GRIK1: variants seen among roughly 807,000 people sequenced by gnomAD.
GRIK1 encodes glutamate receptor ionotropic, kainate 1.
In GRIK1, 69 loss-of-function variants were observed where a neutral mutation model predicts 105.7. That is an observed-to-expected ratio of 0.65 (90% CI 0.54 to 0.80). The LOEUF (loss-of-function observed/expected upper bound fraction) is 0.80, where lower values mean the gene tolerates loss of function less well. Ranked by LOEUF, GRIK1 falls within the 30% of genes least tolerant of loss-of-function variation. GRIK1 has a pLI of 0.00. For missense variants in GRIK1, 1,109 were observed against 1,167.3 expected (o/e 0.95, Z 0.73); for synonymous variants, 438 against 431.3 (o/e 1.02, Z -0.19).
At chr21:29,654,484 T>A (rs363572) in intron 5 of GRIK1, among the ~76,000 whole-genome samples, 4,053 of 152,332 alleles carry the variant, frequency 0.027, 77 homozygotes, top group Non-Finnish European at 0.045. Flanking sequence ...TTCTAATGTA[T>A]ATAAAAATTG....
intron 1 of GRIK1, chr21:29,763,677 G>A (rs1205630062): frequency 6.6e-6 from 1 of 152,264 alleles, no homozygotes; most frequent in African/African-American, 2.4e-5. Context: ...TCGAGATTCC[G>A]AGCTCCCAAA....
intron 1 of GRIK1, among the ~76,000 whole-genome samples, chr21:29,860,998 GTTT>G (rs530044419): frequency 2.0e-5 from 3 of 146,584 alleles, no homozygotes; most frequent in Non-Finnish European, 4.5e-5. Flanking sequence ...ATTTCATCTG[GTTT>G]TTTTTTTTAA....
intron 1 of GRIK1, among the ~76,000 whole-genome samples, chr21:29,782,149 C>T (rs192045269): frequency 6.4e-4 from 95 of 149,462 alleles, no homozygotes; most frequent in East Asian, 3.9e-3. Flanking sequence ...TGCAGTGGCG[C>T]GATCTCGGCT....
rs1303154496 is a variant in GRIK1, at chr21:29,537,123, G to C, written c.*107C>G. ...TCTTATATCTGTATTCATAATCAGAGTTATGGATATAGATATATGGAAACA... is the reference window on the plus strand; with the variant it reads ...TCTTATATCTGTATTCATAATCAGACTTATGGATATAGATATATGGAAACA... On this transcript the variant is annotated 3_prime_UTR_variant, in exon 18 of 18. Coordinates refer to ENST00000327783, the MANE Select transcript of GRIK1 (RefSeq NM_001330994.2). 7.9e-6 allele frequency: 5 copies of C among 630,872 alleles called. No individual in the cohort carries two copies. In the East Asian group the frequency reaches 1.5e-4, roughly 19 times the overall value. 39.1% of individuals were successfully genotyped at this position (630,872 alleles called of 1,614,324 possible). A position where few individuals can be genotyped will look rare whatever the true frequency, so the allele number is the denominator to read the frequency against.
chr21:29,583,765 C>T (rs2091071996), intron 12 of GRIK1, among the ~76,000 whole-genome samples: 1 of 152,146 alleles, frequency 6.6e-6, no homozygotes, highest in Non-Finnish European at 1.5e-5. Flanking sequence ...TGACATGATG[C>T]TGTGCTGTAA....
intron 8 of GRIK1, among the ~76,000 whole-genome samples, chr21:29,597,890 G>A (rs2061446861): frequency 6.6e-6 from 1 of 152,010 alleles, no homozygotes; most frequent in South Asian, 2.1e-4. Flanking sequence ...CAAGAAAACG[G>A]AAATGAAAAC....
At chr21:29,866,245 C>T (rs1193900497) in intron 1 of GRIK1, among the ~76,000 whole-genome samples, 1 of 151,938 alleles carries the variant, frequency 6.6e-6, no homozygotes, top group African/African-American at 2.4e-5. Context: ...ACCACCAAGC[C>T]CAGCTAACTT....
chr21:29,833,319 T>G (rs2067693916), intron 1 of GRIK1, among the ~76,000 whole-genome samples: 1 of 152,172 alleles, frequency 6.6e-6, no homozygotes, highest in African/African-American at 2.4e-5. Context: ...CATTACCCAG[T>G]TCCAAAGTCA....
At chr21:29,876,930 A>G (rs537186880) in intron 1 of GRIK1, among the ~76,000 whole-genome samples, 3 of 152,320 alleles carry the variant, frequency 2.0e-5, no homozygotes, top group Non-Finnish European at 4.4e-5. Context: ...TAACCTGCAA[A>G]TTAGCAAGCA....
intron 1 of GRIK1, among the ~76,000 whole-genome samples, chr21:29,730,608 T>C (rs1329137619): frequency 6.6e-6 from 1 of 152,196 alleles, no homozygotes; most frequent in Non-Finnish European, 1.5e-5. Context: ...TGCATAGCTG[T>C]TTCCTGGCTC....
intron 14 of GRIK1, among the ~76,000 whole-genome samples, chr21:29,570,441 A>C (rs887685066): frequency 6.6e-6 from 1 of 151,960 alleles, no homozygotes; most frequent in African/African-American, 2.4e-5. Context: ...GGCGGAGGTC[A>C]CAGTGAGCCA....
intron 1 of GRIK1, among the ~76,000 whole-genome samples, chr21:29,763,147 G>C (rs2065570584): frequency 6.6e-6 from 1 of 152,172 alleles, no homozygotes; most frequent in East Asian, 1.9e-4. Flanking sequence ...GAAGTGACTG[G>C]ATCATGGGGG....
At chr21:29,847,631 T>G (rs927239474) in intron 1 of GRIK1, among the ~76,000 whole-genome samples, 1 of 152,234 alleles carries the variant, frequency 6.6e-6, no homozygotes, top group African/African-American at 2.4e-5. Flanking sequence ...ATTTTTTCTC[T>G]GCATAATCTT....
At chr21:29,815,139 A>C (rs895595376) in intron 1 of GRIK1, among the ~76,000 whole-genome samples, 2 of 150,046 alleles carry the variant, frequency 1.3e-5, no homozygotes, top group African/African-American at 2.5e-5. Flanking sequence ...AAGTCAATGC[A>C]CTTTTTTGCT....
At position 29,903,411 on chromosome 21, in the gene GRIK1, AC is replaced by A. The variant is rs1456769650; in HGVS notation, c.118+35971del. ...GACAAAGGGCTAATATCCAGAATCT[AC>A]AAAGAACTTAAACAAATTTACAAGA... On this transcript the variant is annotated intron_variant, in intron 1 of 17. Coordinates refer to ENST00000327783, the MANE Select transcript of GRIK1 (RefSeq NM_001330994.2). 3.3e-5 allele frequency among the ~76,000 whole-genome samples: 5 copies of A among 152,230 alleles called. 1 individual carries two copies. In the South Asian group the frequency reaches 8.3e-4, roughly 25 times the overall value.
At chr21:29,582,254 T>C in intron 12 of GRIK1, 1 of 452,014 alleles carries the variant, frequency 2.2e-6, no homozygotes, top group South Asian at 1.7e-5. Context: ...ATAGCATGCC[T>C]CACTGCAGAA....
intron 5 of GRIK1, among the ~76,000 whole-genome samples, chr21:29,652,242 C>T (rs968263419): frequency 6.6e-6 from 1 of 152,190 alleles, no homozygotes; most frequent in Non-Finnish European, 1.5e-5. Flanking sequence ...ACCCACTCTT[C>T]TCCACCAAAT....
chr21:29,673,012 G>A lies in GRIK1; in HGVS notation c.697C>T (p.His233Tyr), dbSNP rs764256830. Residue 233 changes from histidine to tyrosine, a missense_variant, in exon 4 of 18, where the codon CAT becomes TAT. Physicochemically the swap from His to Tyr is moderately conservative, Grantham distance 83 (BLOSUM62 2). This residue lies in a region of GRIK1 where 612 missense variants were observed against 586.0 expected (regional missense o/e 1.04). Transcript: ENST00000327783. ...KEFYVIFDCS[H>Y]ETAAEILKQI... ...TTAAGGATTTCAGCGGCTGTTTCAT[G>A]TGAACAATCAAATATCACATAGAAC... The A allele has an allele frequency of 6.2e-6, 10 of 1,613,012 alleles. No homozygotes were observed. The African/African-American group carries it at 8.0e-5, about 13-fold the overall frequency.
chr21:29,598,880 T>A lies in GRIK1; in HGVS notation c.1156A>T (p.Lys386Ter). The A allele has an allele frequency of 6.3e-7, 1 of 1,599,868 alleles. No individual in the cohort carries two copies. Among genetic ancestry groups the A allele is most frequent in the Non-Finnish European group, 8.6e-7 (1 of 1,169,574 alleles). The stretch of plus-strand genomic sequence containing the variant: ...CTAATAATGTCCAGATCAAAATCCT[T>A]CCTCAAGCCATTGGTTTTATTAAAG... ...ITFNKTNGLR[K>*]DFDLDIISLK... Residue 386 changes from lysine to a stop codon, truncating the protein, a stop_gained, in exon 8 of 18, where the codon AAG becomes TAG. Coordinates refer to ENST00000327783, the MANE Select transcript of GRIK1 (RefSeq NM_001330994.2). LOFTEE classifies it high-confidence loss of function.
Sources: gnomAD v4.1 joint callset for allele counts (sites outside exome capture counted in the v4.1 genomes callset) on GRCh38, gnomAD v4.1.1 for gene constraint, gnomAD v4.1.1 regional missense constraint, MANE v1.5 for transcripts, NCBI Gene and HGNC (gene_info 2026-07-23, HGNC 2026-07-21) for gene names.